RANBP9: variants seen among roughly 807,000 people sequenced by gnomAD.
RANBP9 encodes the protein RAN binding protein 9, also known as ran-binding protein 9.
A neutral mutation model predicts 84.3 loss-of-function variants in RANBP9; 15 were observed. That is an observed-to-expected ratio of 0.18 (90% CI 0.12 to 0.27). The LOEUF is 0.27. Among genes scored for constraint, RANBP9 ranks in the 10% least tolerant of loss-of-function variants. The probability of loss-of-function intolerance (pLI) is 1.00; values close to 1 mark genes in which losing one functional copy is unlikely to be tolerated. For synonymous variants in RANBP9, 392 were observed against 349.6 expected, an observed-to-expected ratio of 1.12 and a Z score of -1.35; for missense variants, 809 against 912.8, an observed-to-expected ratio of 0.89 and a Z score of 1.46.
rs1394792469 is a variant in RANBP9 at position 13,621,499 on chromosome 6, C to G, written c.*863G>C. 6.6e-6 allele frequency: 1 copy of G among 152,586 alleles called. No individual in the cohort carries two copies. Among genetic ancestry groups the G allele is most frequent in the Non-Finnish European group, 1.5e-5 (1 of 68,036 alleles). 9.5% of individuals were successfully genotyped at this position (152,586 alleles called of 1,614,324 possible). On this transcript the variant is annotated 3_prime_UTR_variant, in exon 14 of 14. Coordinates refer to ENST00000011619, the MANE Select transcript of RANBP9 (RefSeq NM_005493.3). ...TATATAAACTCAATTGACACTGTAT[C>G]TGTAGAAGTAAATTTTTAATGGCTG...
chr6:13,631,311 T>C (rs1764774228), intron 12 of RANBP9, among the ~76,000 whole-genome samples: 1 of 152,198 alleles, frequency 6.6e-6, no homozygotes, highest in South Asian at 2.1e-4. Flanking sequence ...TGCCTTTAAC[T>C]TGAGGTGCTC....
intron 2 of RANBP9, among the ~76,000 whole-genome samples, chr6:13,675,239 A>T (rs1765862500): frequency 6.6e-6 from 1 of 152,230 alleles, no homozygotes; most frequent in East Asian, 1.9e-4. Context: ...TCACAAAAAC[A>T]TTCACCAAAA....
intron 5 of RANBP9, among the ~76,000 whole-genome samples, chr6:13,652,114 G>A (rs941050610): frequency 7.9e-5 from 12 of 152,098 alleles, no homozygotes; most frequent in African/African-American, 2.7e-4. Flanking sequence ...GTGTCCTACC[G>A]TTGGTATTCC....
chr6:13,696,832 A>G lies in RANBP9; in HGVS notation c.636T>C (p.Cys212=), dbSNP rs1213894593. 8 of 1,613,216 alleles carry G rather than the reference A, an allele frequency of 5.0e-6. No individual in the cohort carries two copies. Among genetic ancestry groups the G allele is most frequent in the Non-Finnish European group, 6.8e-6 (8 of 1,179,450 alleles). ...TTTTTACTTCAAAATAATAAATCCCACAGGCTGCTGGTATTGGATGCGTGG... is the reference window on the plus strand; with the variant it reads ...TTTTTACTTCAAAATAATAAATCCCGCAGGCTGCTGGTATTGGATGCGTGG... ...VRATHPIPAA[C]GIYYFEVKIV... The change falls in exon 2 of 14, where the codon TGT becomes TGC. Residue 212 remains cysteine, a synonymous_variant. Transcript: ENST00000011619.
At chr6:13,692,444 T>C in intron 2 of RANBP9, among the ~76,000 whole-genome samples, 1 of 143,128 alleles carries the variant, frequency 7.0e-6, no homozygotes, top group East Asian at 2.0e-4. Context: ...GGAGAATCAC[T>C]TGAACCTGGG....
intron 1 of RANBP9, among the ~76,000 whole-genome samples, chr6:13,705,128 G>A (rs927099898): frequency 1.3e-5 from 2 of 152,070 alleles, no homozygotes; most frequent in Non-Finnish European, 2.9e-5. Context: ...ATTAGGCTGG[G>A]TGCAGTGGTT....
chr6:13,708,438 A>AC (rs1329604459), intron 1 of RANBP9, among the ~76,000 whole-genome samples: 335 of 152,300 alleles, frequency 2.2e-3, no homozygotes, highest in African/African-American at 7.5e-3. Flanking sequence ...ACACATACAC[A>AC]AAAACACCAG....
intron 1 of RANBP9, among the ~76,000 whole-genome samples, chr6:13,701,161 C>G (rs1055993329): frequency 1.3e-5 from 2 of 152,148 alleles, no homozygotes; most frequent in African/African-American, 4.8e-5. Flanking sequence ...CTCAAATATC[C>G]TTGATTTCCC....
intron 5 of RANBP9, among the ~76,000 whole-genome samples, chr6:13,649,519 C>G (rs1315070827): frequency 6.7e-6 from 1 of 148,950 alleles, no homozygotes; most frequent in Non-Finnish European, 1.5e-5. Context: ...ATGAAACTTA[C>G]AGCATTCTCA....
At chr6:13,653,107 GAA>G (rs1350670091) in intron 4 of RANBP9, among the ~76,000 whole-genome samples, 2 of 152,122 alleles carry the variant, frequency 1.3e-5, no homozygotes, top group Admixed American at 6.5e-5. Context: ...TAGCTGGAAA[GAA>G]AAGAGTTTTT....
chr6:13,662,742 CAATA>C (rs1343379317), intron 2 of RANBP9, among the ~76,000 whole-genome samples: 1 of 152,160 alleles, frequency 6.6e-6, no homozygotes, highest in East Asian at 1.9e-4. Flanking sequence ...GCTGTTTATA[CAATA>C]AATTACCCGG....
chr6:13,696,975 A>C (rs888769431), intron 1 of RANBP9, 79 bp from the exon 2 acceptor site: 2 of 1,186,270 alleles, frequency 1.7e-6, no homozygotes, highest in Admixed American at 4.4e-5. Context: ...ATTCAGGAAC[A>C]TATAGGTTTT....
chr6:13,625,755 T>A lies in RANBP9; in HGVS notation c.1957A>T (p.Ser653Cys), dbSNP rs1294248774. The A allele has an allele frequency of 6.2e-7, 1 of 1,601,020 alleles. No individual in the cohort carries two copies. Among genetic ancestry groups the A allele is most frequent in the South Asian group, 1.1e-5 (1 of 90,812 alleles). ...ANKKMLKDAF[S>C]LLAYSDPWNS... ...CAGGGATCTGAATATGCTAGTAGAC[T>A]GAATGCATCCTGTTGAAAACACATC... The change falls in exon 13 of 14, where the codon AGT becomes TGT. Residue 653 changes from serine to cysteine, a missense_variant. By Grantham distance (112) the Ser-to-Cys change is moderately radical (BLOSUM62 -1). This residue lies in a region of RANBP9 where 233 missense variants were observed against 234.4 expected (regional missense o/e 0.99). Coordinates refer to ENST00000011619, the MANE Select transcript of RANBP9 (RefSeq NM_005493.3).
Position 13,703,249 on chromosome 6 carries a change from C to A in RANBP9, c.572-6353G>T, listed in dbSNP as rs568132413. On this transcript the variant is annotated intron_variant, in intron 1 of 13. Coordinates refer to ENST00000011619, the MANE Select transcript of RANBP9 (RefSeq NM_005493.3). ...CCATTTCTTTTGTGCTCCCTCTAGT[C>A]TTTCAATGTTGGTGTTCTTCAGGGT... Among the ~76,000 whole-genome samples the A allele has an allele frequency of 1.4e-4, 21 of 152,322 alleles. No individual in the cohort carries two copies. The South Asian group carries it at 2.3e-3, about 17-fold the overall frequency.
intron 3 of RANBP9, 137 bp downstream of exon 3, chr6:13,658,643 C>T: frequency 2.5e-6 from 2 of 789,294 alleles, no homozygotes; most frequent in East Asian, 2.6e-5. Context: ...CCCCACTCAG[C>T]TTTCACTTAA....
intron 9 of RANBP9, 39 bp from the exon 10 acceptor site, chr6:13,637,994 CTAATT>C (rs1764981390): frequency 6.5e-7 from 1 of 1,542,156 alleles, no homozygotes; most frequent in Non-Finnish European, 8.7e-7. Context: ...GAAACAAACA[CTAATT>C]TATTAATACG....
At chr6:13,706,841 G>A (rs1561699076) in intron 1 of RANBP9, among the ~76,000 whole-genome samples, 1 of 151,546 alleles carries the variant, frequency 6.6e-6, no homozygotes. Flanking sequence ...GTCTCTACTA[G>A]AAATACAAGA....
chr6:13,643,638 G>A (rs769728944), intron 6 of RANBP9, among the ~76,000 whole-genome samples: 1 of 152,076 alleles, frequency 6.6e-6, no homozygotes, highest in African/African-American at 2.4e-5. Flanking sequence ...TGGTTATAAG[G>A]TTAAGATAAA....
At chr6:13,672,538 C>T (rs983501153) in intron 2 of RANBP9, among the ~76,000 whole-genome samples, 15 of 152,068 alleles carry the variant, frequency 9.9e-5, no homozygotes, top group African/African-American at 3.1e-4. Context: ...ACATTAAACA[C>T]AGCCTAACTC....
Sources: allele counts gnomAD v4.1 joint callset (sites outside exome capture counted in the v4.1 genomes callset), GRCh38; gene constraint gnomAD v4.1.1; regional missense constraint gnomAD v4.1.1; transcripts MANE v1.5; gene names NCBI Gene and HGNC (gene_info 2026-07-23, HGNC 2026-07-21).